The following DLG2 variants were observed in gnomAD, a reference collection of about 807,000 sequenced individuals.
The protein encoded by DLG2 is disks large homolog 2.
In DLG2, 45 loss-of-function variants were observed where a neutral mutation model predicts 132.5. The ratio of observed to expected loss-of-function variants is 0.34; its 90% confidence interval spans 0.27 to 0.44. The LOEUF (loss-of-function observed/expected upper bound fraction) is 0.44, where lower values mean the gene tolerates loss of function less well. Ranked by LOEUF, DLG2 falls within the 20% of genes least tolerant of loss-of-function variation. The pLI, the probability that DLG2 is intolerant of heterozygous loss-of-function variation, is 1.00. For synonymous variants in DLG2, 424 were observed against 419.6 expected, an observed-to-expected ratio of 1.01 and a Z score of -0.13; for missense variants, 1,045 against 1,196.9, an observed-to-expected ratio of 0.87 and a Z score of 1.87.
At chr11:83,995,030 C>A (rs1224716786) in intron 11 of DLG2, among the ~76,000 whole-genome samples, 1 of 150,684 alleles carries the variant, frequency 6.6e-6, no homozygotes, top group African/African-American at 2.4e-5. Context: ...TAGAGTCTAC[C>A]AGTACGACCT....
chr11:84,502,441 G>A (rs1289640888), intron 7 of DLG2, among the ~76,000 whole-genome samples: 1 of 141,940 alleles, frequency 7.0e-6, no homozygotes, highest in Non-Finnish European at 1.5e-5. Context: ...CTGTCACCCA[G>A]GCTAAGTGCA....
At chr11:83,777,360 A>G (rs886838121) in intron 18 of DLG2, among the ~76,000 whole-genome samples, 4 of 152,248 alleles carry the variant, frequency 2.6e-5, no homozygotes, top group Non-Finnish European at 5.9e-5. Flanking sequence ...TAAAAAGCAC[A>G]TTAAAGATGT....
At chr11:85,259,688 A>G (rs1287996963) in intron 4 of DLG2, among the ~76,000 whole-genome samples, 2 of 151,912 alleles carry the variant, frequency 1.3e-5, no homozygotes, top group South Asian at 2.1e-4. Flanking sequence ...AAAGCTTCCC[A>G]TCTGAACCTG....
At chr11:84,270,137 A>G (rs1281637962) in intron 7 of DLG2, among the ~76,000 whole-genome samples, 1 of 152,230 alleles carries the variant, frequency 6.6e-6, no homozygotes, top group Non-Finnish European at 1.5e-5. Flanking sequence ...TGATTTGCCT[A>G]ATATCCAAAA....
chr11:85,250,785 A>C (rs2076359462), intron 4 of DLG2, among the ~76,000 whole-genome samples: 1 of 152,224 alleles, frequency 6.6e-6, no homozygotes, highest in African/African-American at 2.4e-5. Flanking sequence ...GCTCTCCCTT[A>C]GACAAGCTCT....
At chr11:85,548,972 T>C (rs2076496397) in intron 3 of DLG2, among the ~76,000 whole-genome samples, 1 of 151,994 alleles carries the variant, frequency 6.6e-6, no homozygotes, top group South Asian at 2.1e-4. Context: ...CTCCCTGGCT[T>C]CAGCCCCCTT....
intron 6 of DLG2, among the ~76,000 whole-genome samples, chr11:84,934,714 T>G (rs1367806552): frequency 6.6e-6 from 1 of 151,658 alleles, no homozygotes; most frequent in Non-Finnish European, 1.5e-5. Flanking sequence ...AGAAAGAAAT[T>G]GAATCCCTTT....
intron 6 of DLG2, chr11:84,640,265 G>T (rs2099655447): frequency 1.5e-5 from 5 of 323,220 alleles, no homozygotes; most frequent in Non-Finnish European, 3.0e-5. Flanking sequence ...ACAAGACGAG[G>T]TCTGCACATG....
At chr11:84,273,985 C>T (rs2097761546) in intron 7 of DLG2, among the ~76,000 whole-genome samples, 1 of 151,994 alleles carries the variant, frequency 6.6e-6, no homozygotes, top group African/African-American at 2.4e-5. Flanking sequence ...CACTTTTATT[C>T]CTTATTCTAG....
intron 6 of DLG2, among the ~76,000 whole-genome samples, chr11:84,609,511 G>T (rs1038935359): frequency 6.6e-6 from 1 of 152,218 alleles, no homozygotes; most frequent in African/African-American, 2.4e-5. Context: ...ATGAACTCCA[G>T]TTAAGGTCAA....
At chr11:84,313,110 ATTTTTTTCT>A (rs1029141123) in intron 7 of DLG2, among the ~76,000 whole-genome samples, 5 of 142,244 alleles carry the variant, frequency 3.5e-5, no homozygotes, top group African/African-American at 1.3e-4. Flanking sequence ...CACCTGGCCA[ATTTTTTTCT>A]TTTTTTTCTT....
At chr11:83,860,541 C>T (rs1270716001) in intron 16 of DLG2, among the ~76,000 whole-genome samples, 1 of 152,174 alleles carries the variant, frequency 6.6e-6, no homozygotes, top group Non-Finnish European at 1.5e-5. Flanking sequence ...GCCAGTACCC[C>T]CACTGTATCT....
intron 3 of DLG2, among the ~76,000 whole-genome samples, chr11:85,346,480 G>A (rs759281317): frequency 5.3e-5 from 8 of 152,182 alleles, no homozygotes; most frequent in South Asian, 2.1e-4. Flanking sequence ...AAGCCACCGC[G>A]CCTGGCCAAT....
chr11:83,861,164 C>A (rs545069091), intron 16 of DLG2, among the ~76,000 whole-genome samples: 1 of 152,232 alleles, frequency 6.6e-6, no homozygotes, highest in East Asian at 1.9e-4. Context: ...AAGTGCAAAT[C>A]AAAACTACAA....
chr11:83,806,147 C>T (rs896212766), intron 17 of DLG2, among the ~76,000 whole-genome samples: 3 of 152,086 alleles, frequency 2.0e-5, no homozygotes, highest in African/African-American at 7.2e-5. Context: ...CTTCCCAGAC[C>T]TCCTGTAATC....
chr11:83,672,625 C>A (rs1328936155), intron 18 of DLG2, among the ~76,000 whole-genome samples: 1 of 152,128 alleles, frequency 6.6e-6, no homozygotes, highest in Non-Finnish European at 1.5e-5. Flanking sequence ...TCTTCCCCAC[C>A]TTTTCTATCT....
rs192135048 is a variant in DLG2, at chr11:83,784,366, C to A, written c.1825+2324G>T. ...GCAGTTAAATTAAGGCTCAGTTACA[C>A]GTAAAGTTTGGATAGGAGAGGAAAG... On this transcript the variant is annotated intron_variant, in intron 18 of 27. Transcript: ENST00000376104. Among the ~76,000 whole-genome samples the A allele has an allele frequency of 5.1e-4, 77 of 152,294 alleles. 1 individual carries two copies. In the South Asian group the frequency reaches 0.015, roughly 29 times the overall value.
intron 14 of DLG2, among the ~76,000 whole-genome samples, chr11:83,938,440 G>A (rs1292206773): frequency 6.6e-6 from 1 of 152,162 alleles, no homozygotes; most frequent in Non-Finnish European, 1.5e-5. Context: ...AGCACGTGCA[G>A]ATTTAAAGAG....
chr11:85,123,009 G>A (rs537160076), intron 5 of DLG2, among the ~76,000 whole-genome samples: 2 of 81,530 alleles, frequency 2.5e-5, no homozygotes, highest in African/African-American at 4.8e-5. Flanking sequence ...ACAGAGTCTC[G>A]CTCTGTCGCC....
Sources: allele counts gnomAD v4.1 joint callset (sites outside exome capture counted in the v4.1 genomes callset), GRCh38; gene constraint gnomAD v4.1.1; transcripts MANE v1.5; gene names NCBI Gene and HGNC (gene_info 2026-07-23, HGNC 2026-07-21).